The following GFOD1 variants were observed in gnomAD, a reference collection of about 807,000 sequenced individuals.
The protein encoded by GFOD1 is glucose-fructose oxidoreductase domain-containing protein 1.
In GFOD1, 9 loss-of-function variants were observed where a neutral mutation model predicts 25.4. That is an observed-to-expected ratio of 0.35 (90% CI 0.21 to 0.62). GFOD1 has a LOEUF of 0.62. Ranked by LOEUF, GFOD1 falls within the 20% of genes least tolerant of loss-of-function variation. GFOD1 has a pLI of 0.72. For missense variants in GFOD1, 403 were observed against 556.9 expected, an observed-to-expected ratio of 0.72 and a Z score of 2.78; for synonymous variants, 253 against 245.6, an observed-to-expected ratio of 1.03 and a Z score of -0.28.
chr6:13,479,062 CA>C (rs11342958), intron 1 of GFOD1, among the ~76,000 whole-genome samples: 18,373 of 127,314 alleles, frequency 0.14, 1,106 homozygotes, highest in Non-Finnish European at 0.17. Flanking sequence ...ATCCCTTTAC[CA>C]AAAAAAAAAA....
intron 1 of GFOD1, among the ~76,000 whole-genome samples, chr6:13,375,377 G>A (rs1562196655): frequency 6.6e-6 from 1 of 152,210 alleles, no homozygotes. Flanking sequence ...GGGCTCTGAA[G>A]ACAATCATGC....
At chr6:13,441,521 T>C (rs1308747660) in intron 1 of GFOD1, among the ~76,000 whole-genome samples, 2 of 152,250 alleles carry the variant, frequency 1.3e-5, no homozygotes, top group Non-Finnish European at 2.9e-5. Flanking sequence ...ATTGGTAAGA[T>C]AGTAGATTTT....
Position 13,467,282 on chromosome 6 carries a change from T to C in GFOD1, c.253+19356A>G, listed in dbSNP as rs545176158. 2.8e-4 allele frequency among the ~76,000 whole-genome samples: 42 copies of C among 152,254 alleles called. No homozygotes were observed. In the South Asian group the frequency reaches 7.7e-3, roughly 28 times the overall value. ...ATAAAAGGTGGGAGCTAAAAGGAACTCTTAAAAATTGACTCTGGTGCCTGT... is the reference window on the plus strand; with the variant it reads ...ATAAAAGGTGGGAGCTAAAAGGAACCCTTAAAAATTGACTCTGGTGCCTGT... On this transcript the variant is annotated intron_variant, in intron 1 of 1. Coordinates refer to ENST00000379287, the MANE Select transcript of GFOD1 (RefSeq NM_018988.4).
At chr6:13,397,268 C>T (rs75631194) in intron 1 of GFOD1, among the ~76,000 whole-genome samples, 3,569 of 152,234 alleles carry the variant, frequency 0.023, 76 homozygotes, top group South Asian at 0.045. Flanking sequence ...TAAAACAAAG[C>T]CTTACTCTAA....
intron 1 of GFOD1, among the ~76,000 whole-genome samples, chr6:13,479,329 C>G (rs1199167817): frequency 1.3e-5 from 2 of 152,176 alleles, no homozygotes; most frequent in Non-Finnish European, 2.9e-5. Flanking sequence ...ACTTATCACA[C>G]CAACCCTATA....
chr6:13,398,849 C>T (rs1030957390), intron 1 of GFOD1, among the ~76,000 whole-genome samples: 2 of 152,232 alleles, frequency 1.3e-5, no homozygotes, highest in African/African-American at 4.8e-5. Context: ...CATCCAGGGG[C>T]TCAGCTGCTT....
rs140179193 is a variant in GFOD1 at position 13,390,825 on chromosome 6, A to G, written c.254-25163T>C. ...GAAGGAAGGAAGGAAGGAAGGAAGG[A>G]AGGATAATAACAGTATCTACCTCAA... On this transcript the variant is annotated intron_variant, in intron 1 of 1. Transcript: ENST00000379287. Among the ~76,000 whole-genome samples the G allele has an allele frequency of 5.2e-4, 79 of 151,890 alleles. No individual in the cohort carries two copies. The East Asian group carries it at 8.1e-3, about 16-fold the overall frequency.
chr6:13,391,602 C>A (rs1247997852), intron 1 of GFOD1, among the ~76,000 whole-genome samples: 2 of 148,120 alleles, frequency 1.4e-5, no homozygotes, highest in Admixed American at 6.7e-5. Flanking sequence ...GAATAGGTAA[C>A]AACTCCATTT....
At chr6:13,484,713 C>T (rs1277285656) in intron 1 of GFOD1, among the ~76,000 whole-genome samples, 1 of 152,094 alleles carries the variant, frequency 6.6e-6, no homozygotes, top group Non-Finnish European at 1.5e-5. Context: ...CTCTTGAAAC[C>T]AGAGCCCCCA....
At chr6:13,373,774 T>A (rs1477255137) in intron 1 of GFOD1, among the ~76,000 whole-genome samples, 1 of 87,780 alleles carries the variant, frequency 1.1e-5, no homozygotes. Flanking sequence ...ACACACACAC[T>A]ACGCTTTTTT....
chr6:13,484,889 A>T (rs1242100068), intron 1 of GFOD1, among the ~76,000 whole-genome samples: 2 of 152,218 alleles, frequency 1.3e-5, no homozygotes, highest in African/African-American at 4.8e-5. Flanking sequence ...TCTTTCAGAT[A>T]TGACCAGTCC....
At chr6:13,412,304 G>C (rs1381879233) in intron 1 of GFOD1, among the ~76,000 whole-genome samples, 5 of 152,214 alleles carry the variant, frequency 3.3e-5, no homozygotes, top group African/African-American at 4.8e-5. Context: ...GAGAAGAGGA[G>C]ATGACGCAGA....
At chr6:13,470,185 G>A (rs374227432) in intron 1 of GFOD1, 103 of 1,567,574 alleles carry the variant, frequency 6.6e-5, no homozygotes, top group Non-Finnish European at 8.3e-5. Flanking sequence ...ACCTGCGCGC[G>A]ATGAACGCAT....
At chr6:13,410,764 C>G (rs1327036698) in intron 1 of GFOD1, among the ~76,000 whole-genome samples, 1 of 151,570 alleles carries the variant, frequency 6.6e-6, no homozygotes, top group East Asian at 1.9e-4. Context: ...CCAGGACAGA[C>G]CAATATAGGT....
intron 1 of GFOD1, among the ~76,000 whole-genome samples, chr6:13,477,324 C>T (rs544845609): frequency 1.0e-3 from 151 of 151,314 alleles, no homozygotes; most frequent in African/African-American, 3.5e-3. Context: ...ATGTGCAGGG[C>T]AGGCAGGCAG....
At chr6:13,399,670 G>A (rs1404228037) in intron 1 of GFOD1, among the ~76,000 whole-genome samples, 1 of 152,196 alleles carries the variant, frequency 6.6e-6, no homozygotes, top group Non-Finnish European at 1.5e-5. Flanking sequence ...TGTAAAACAG[G>A]CAAAGTGAGC....
intron 1 of GFOD1, among the ~76,000 whole-genome samples, chr6:13,422,948 T>C (rs1223843830): frequency 1.3e-5 from 2 of 152,174 alleles, no homozygotes; most frequent in Non-Finnish European, 2.9e-5. Flanking sequence ...TAAACCCAGC[T>C]TGCGTTAATT....
intron 1 of GFOD1, among the ~76,000 whole-genome samples, chr6:13,448,723 G>A (rs73366988): frequency 0.027 from 4,123 of 152,194 alleles, 209 homozygotes; most frequent in African/African-American, 0.094. Flanking sequence ...TCAGTGTCTC[G>A]CACCACTAAA....
At chr6:13,409,133 GA>G (rs879274143) in intron 1 of GFOD1, among the ~76,000 whole-genome samples, 1,059 of 40,444 alleles carry the variant, frequency 0.026, 158 homozygotes, top group Middle Eastern at 0.12. Flanking sequence ...AAGAAAGAAA[GA>G]AAGAAAGAAA....
Sources: allele counts gnomAD v4.1 joint callset (sites outside exome capture counted in the v4.1 genomes callset), GRCh38; gene constraint gnomAD v4.1.1; transcripts MANE v1.5; gene names NCBI Gene and HGNC (gene_info 2026-07-23, HGNC 2026-07-21).